The following RABGAP1L variants were observed in gnomAD, a reference collection of about 807,000 sequenced individuals.
RABGAP1L encodes the protein rab GTPase-activating protein 1-like.
Under a neutral mutation model 137.7 loss-of-function variants are expected in RABGAP1L, and 63 were observed. The ratio of observed to expected loss-of-function variants is 0.46; its 90% CI spans 0.37 to 0.56. RABGAP1L has a LOEUF of 0.56. RABGAP1L is among the 20% of genes least tolerant of loss of function. The pLI, the probability that RABGAP1L is intolerant of heterozygous loss-of-function variation, is 0.00. For missense variants in RABGAP1L, 1,095 were observed against 1,244.0 expected, an observed-to-expected ratio of 0.88 and a Z score of 1.80; for synonymous variants, 431 against 433.7, an observed-to-expected ratio of 0.99 and a Z score of 0.08.
At chr1:174,538,699 G>C (rs1208838500) in intron 13 of RABGAP1L, among the ~76,000 whole-genome samples, 2 of 152,106 alleles carry the variant, frequency 1.3e-5, no homozygotes, top group East Asian at 1.9e-4. Flanking sequence ...TTCCCTGGGA[G>C]ACAAATGGTC....
At position 174,370,966 on chromosome 1, in the gene RABGAP1L, G is replaced by A. The variant is rs138853001; in HGVS notation, c.1466-13G>A. The stretch of plus-strand genomic sequence containing the variant: ...TAAAATAATGTTTGTTGGTTTTTGC[G>A]TTTCTTCTGCAGAGAGTGATAATGA... On this transcript the variant is annotated splice_polypyrimidine_tract_variant and intron_variant, in intron 11 of 25. Coordinates refer to ENST00000681986, the MANE Select transcript of RABGAP1L (RefSeq NM_001366446.1). 149 of 1,411,610 alleles carry A rather than the reference G, an allele frequency of 1.1e-4. 1 individual carries two copies. In the East Asian group the frequency reaches 3.0e-3, roughly 28 times the overall value. The allele number at this position is 1,411,610 out of a possible 1,614,324, so 87.4% of individuals were successfully genotyped here. A position where few individuals can be genotyped will look rare whatever the true frequency, so the allele number is the denominator to read the frequency against.
intron 11 of RABGAP1L, among the ~76,000 whole-genome samples, chr1:174,356,953 T>A (rs1683694953): frequency 6.6e-6 from 1 of 151,816 alleles, no homozygotes; most frequent in Admixed American, 6.6e-5. Context: ...ATTATTTCCA[T>A]TGAGCACATG....
At chr1:174,741,855 CAAA>C (rs775821774) in intron 17 of RABGAP1L, among the ~76,000 whole-genome samples, 6 of 41,896 alleles carry the variant, frequency 1.4e-4, no homozygotes, top group African/African-American at 5.4e-4. Flanking sequence ...CCTATTTCTA[CAAA>C]AAAAAAAAAA....
intron 19 of RABGAP1L, among the ~76,000 whole-genome samples, chr1:174,833,466 A>ATAGATATATATATATATATATATATATAT (rs1692391751): frequency 1.6e-5 from 1 of 61,120 alleles, no homozygotes; most frequent in African/African-American, 4.3e-5. Context: ...ATATATATAT[A>ATAGATATATATATATATATATATATATAT]TAGTAGAGAC....
intron 1 of RABGAP1L, among the ~76,000 whole-genome samples, chr1:174,166,302 T>C (rs979930119): frequency 7.2e-5 from 11 of 152,202 alleles, no homozygotes; most frequent in African/African-American, 2.7e-4. Flanking sequence ...GAAGCAGTTT[T>C]GAAAGTCTTT....
intron 17 of RABGAP1L, among the ~76,000 whole-genome samples, chr1:174,721,512 T>G (rs1479376130): frequency 6.6e-6 from 1 of 152,214 alleles, no homozygotes; most frequent in Non-Finnish European, 1.5e-5. Context: ...CAAAGCCAAG[T>G]TGACAGAGAA....
chr1:174,314,335 TC>T (rs1679166109), intron 11 of RABGAP1L, among the ~76,000 whole-genome samples: 1 of 152,204 alleles, frequency 6.6e-6, no homozygotes, highest in Non-Finnish European at 1.5e-5. Flanking sequence ...CCTTTGAATT[TC>T]TGCCATCTCA....
intron 13 of RABGAP1L, among the ~76,000 whole-genome samples, chr1:174,569,836 T>A (rs969611599): frequency 1.3e-5 from 2 of 152,190 alleles, no homozygotes; most frequent in African/African-American, 4.8e-5. Context: ...GACAAGGTTG[T>A]TTGCATTTCT....
chr1:174,186,799 G>T (rs928739737), intron 1 of RABGAP1L, among the ~76,000 whole-genome samples: 3 of 152,126 alleles, frequency 2.0e-5, no homozygotes, highest in Non-Finnish European at 4.4e-5. Context: ...ATTTTAACTT[G>T]AAATCGAGGT....
At chr1:174,719,288 G>C (rs986203715) in intron 17 of RABGAP1L, among the ~76,000 whole-genome samples, 1 of 151,982 alleles carries the variant, frequency 6.6e-6, no homozygotes, top group African/African-American at 2.4e-5. Context: ...AGATAAAATT[G>C]GATTTTATTT....
At chr1:174,606,598 C>T (rs574764295) in intron 13 of RABGAP1L, among the ~76,000 whole-genome samples, 7 of 152,290 alleles carry the variant, frequency 4.6e-5, no homozygotes, top group Admixed American at 6.5e-5. Flanking sequence ...TATTCACTAG[C>T]GGGAATCTTT....
chr1:174,184,589 T>TA (rs1666655616), intron 1 of RABGAP1L, among the ~76,000 whole-genome samples: 1 of 134,110 alleles, frequency 7.5e-6, no homozygotes, highest in South Asian at 2.2e-4. Flanking sequence ...TTTAAAAAAA[T>TA]AAATTAAAAC....
intron 13 of RABGAP1L, among the ~76,000 whole-genome samples, chr1:174,514,898 A>C (rs1662679206): frequency 6.6e-6 from 1 of 152,130 alleles, no homozygotes; most frequent in Non-Finnish European, 1.5e-5. Flanking sequence ...GGGCCCTGAT[A>C]ATTTTTGTTT....
Position 174,231,185 on chromosome 1 carries a change from T to C in RABGAP1L, c.372T>C (p.Pro124=). 1 of 1,613,740 alleles carries C rather than the reference T, an allele frequency of 6.2e-7. No homozygotes were observed. Among genetic ancestry groups the C allele is most frequent in the African/African-American group, 1.3e-5 (1 of 75,038 alleles). ...GACCATCTTCTCCAGGTGGACTACC[T>C]GAAGAAGATAGTGTTTTATTTAATA... ...TPRPSSPGGL[P]EEDSVLFNKL... is the part of the protein sequence containing the mutation. Residue 124 remains proline (P), a synonymous_variant, in exon 4 of 26, where the codon CCT becomes CCC. Transcript: ENST00000681986.
At chr1:174,234,823 TG>T (rs1278238291) in intron 4 of RABGAP1L, among the ~76,000 whole-genome samples, 1 of 148,324 alleles carries the variant, frequency 6.7e-6, no homozygotes, top group African/African-American at 2.5e-5. Flanking sequence ...GGTAGCTTGA[TG>T]GGGATGGCAT....
intron 15 of RABGAP1L, among the ~76,000 whole-genome samples, chr1:174,696,192 G>T (rs1679244295): frequency 6.6e-6 from 1 of 152,068 alleles, no homozygotes; most frequent in Non-Finnish European, 1.5e-5. Context: ...ATGCTTTTCA[G>T]GAGCTAGGGT....
chr1:174,525,727 G>C (rs1019961541), intron 13 of RABGAP1L, among the ~76,000 whole-genome samples: 1 of 152,016 alleles, frequency 6.6e-6, no homozygotes, highest in Non-Finnish European at 1.5e-5. Context: ...GTAGAGGAAA[G>C]GCTTTCAACT....
At chr1:174,619,867 C>A (rs549136856) in intron 13 of RABGAP1L, among the ~76,000 whole-genome samples, 41 of 152,204 alleles carry the variant, frequency 2.7e-4, no homozygotes, top group Admixed American at 1.2e-3. Flanking sequence ...GAGTCAGGAC[C>A]CATCAGTGTG....
intron 19 of RABGAP1L, among the ~76,000 whole-genome samples, chr1:174,828,665 CAT>C (rs1031766709): frequency 1.3e-5 from 2 of 148,602 alleles, no homozygotes; most frequent in African/African-American, 2.5e-5. Flanking sequence ...AAATTAAACA[CAT>C]GTGTGAAGCA....
Sources: gnomAD v4.1 joint callset for allele counts (sites outside exome capture counted in the v4.1 genomes callset) on GRCh38, gnomAD v4.1.1 for gene constraint, MANE v1.5 for transcripts, NCBI Gene and HGNC (gene_info 2026-07-23, HGNC 2026-07-21) for gene names.